HS6ST3: variants seen among roughly 807,000 people sequenced by gnomAD.
The protein encoded by HS6ST3 is heparan-sulfate 6-O-sulfotransferase 3.
HS6ST3 carries 12 observed loss-of-function variants against 36.7 expected under a neutral mutation model. The observed-to-expected ratio is 0.33, with a 90% CI of 0.21 to 0.53. The LOEUF is 0.53. HS6ST3 is among the 20% of genes least tolerant of loss of function. The pLI is 0.95. For synonymous variants in HS6ST3, 240 were observed against 257.5 expected (o/e 0.93, Z 0.65); for missense variants, 584 against 640.9 (o/e 0.91, Z 0.96).
intron 1 of HS6ST3, among the ~76,000 whole-genome samples, chr13:96,453,554 C>T (rs773414854): frequency 5.3e-5 from 8 of 152,160 alleles, no homozygotes; most frequent in Non-Finnish European, 7.3e-5. Flanking sequence ...GTGAAAATAA[C>T]CAGGCCGTGC....
intron 1 of HS6ST3, among the ~76,000 whole-genome samples, chr13:96,636,963 G>T (rs1360482629): frequency 6.6e-6 from 1 of 151,560 alleles, no homozygotes; most frequent in South Asian, 2.1e-4. Context: ...AACAGAAAAA[G>T]AAGTTTTAGA....
At chr13:96,746,898 T>A (rs1324697177) in intron 1 of HS6ST3, among the ~76,000 whole-genome samples, 1 of 152,094 alleles carries the variant, frequency 6.6e-6, no homozygotes, top group African/African-American at 2.4e-5. Context: ...AGCTGGAAGG[T>A]TCTTATGCCA....
chr13:96,530,958 C>T (rs2056132943), intron 1 of HS6ST3, among the ~76,000 whole-genome samples: 1 of 152,156 alleles, frequency 6.6e-6, no homozygotes, highest in African/African-American at 2.4e-5. Flanking sequence ...CACATGAGTA[C>T]TGTTCAGTTG....
chr13:96,438,711 C>T (rs1026347453), intron 1 of HS6ST3, among the ~76,000 whole-genome samples: 16 of 152,168 alleles, frequency 1.1e-4, no homozygotes, highest in Admixed American at 2.0e-4. Flanking sequence ...TCTTAAATGT[C>T]GTGAGAAATT....
At chr13:96,242,762 T>C (rs1419558217) in intron 1 of HS6ST3, among the ~76,000 whole-genome samples, 3 of 152,214 alleles carry the variant, frequency 2.0e-5, no homozygotes, top group African/African-American at 4.8e-5. Flanking sequence ...GAAAGCAGTA[T>C]AGTGATTCCT....
chr13:96,294,523 A>G (rs1281232338), intron 1 of HS6ST3, among the ~76,000 whole-genome samples: 1 of 152,098 alleles, frequency 6.6e-6, no homozygotes, highest in East Asian at 1.9e-4. Flanking sequence ...GCTTGGGGGA[A>G]TGCAAACCCA....
At chr13:96,776,132 T>C (rs1406932582) in intron 1 of HS6ST3, among the ~76,000 whole-genome samples, 1 of 152,100 alleles carries the variant, frequency 6.6e-6, no homozygotes, top group African/African-American at 2.4e-5. Flanking sequence ...AATAAGTTCT[T>C]TGAAACCAAC....
chr13:96,583,501 C>T (rs1377907349), intron 1 of HS6ST3, among the ~76,000 whole-genome samples: 3 of 151,836 alleles, frequency 2.0e-5, no homozygotes, highest in Admixed American at 6.6e-5. Flanking sequence ...TGTGAGCACC[C>T]GCCCAATGGC....
At chr13:96,764,769 T>G (rs1052363590) in intron 1 of HS6ST3, among the ~76,000 whole-genome samples, 3 of 152,208 alleles carry the variant, frequency 2.0e-5, no homozygotes, top group African/African-American at 7.2e-5. Context: ...TTTTCAACTC[T>G]CTGGGAAGAA....
intron 1 of HS6ST3, among the ~76,000 whole-genome samples, chr13:96,216,596 T>C (rs1237595044): frequency 6.6e-6 from 1 of 152,178 alleles, no homozygotes; most frequent in Non-Finnish European, 1.5e-5. Flanking sequence ...TGTCATCATA[T>C]ATACTTCAGA....
At chr13:96,229,386 GCACTTATCTCT>G (rs1353967660) in intron 1 of HS6ST3, among the ~76,000 whole-genome samples, 1 of 152,118 alleles carries the variant, frequency 6.6e-6, no homozygotes, top group Non-Finnish European at 1.5e-5. Context: ...TAAAAAACAG[GCACTTATCTCT>G]CACAGTTCTG....
intron 1 of HS6ST3, among the ~76,000 whole-genome samples, chr13:96,589,570 A>T (rs1012974598): frequency 9.2e-5 from 14 of 151,758 alleles, no homozygotes; most frequent in Non-Finnish European, 1.8e-4. Flanking sequence ...CTTCCTTCTT[A>T]TAACCTCTGG....
At chr13:96,185,367 C>T (rs577457241) in intron 1 of HS6ST3, among the ~76,000 whole-genome samples, 2 of 152,262 alleles carry the variant, frequency 1.3e-5, no homozygotes, top group South Asian at 2.1e-4. Flanking sequence ...TGCCTCATAG[C>T]GACCAAGTGA....
chr13:96,255,405 GTATAT>G (rs2054632068), intron 1 of HS6ST3, among the ~76,000 whole-genome samples: 2 of 152,230 alleles, frequency 1.3e-5, no homozygotes, highest in East Asian at 3.9e-4. Context: ...ATAGTATCAA[GTATAT>G]TATATAGGCC....
At chr13:96,537,434 A>C (rs906342371) in intron 1 of HS6ST3, among the ~76,000 whole-genome samples, 5 of 152,214 alleles carry the variant, frequency 3.3e-5, no homozygotes, top group African/African-American at 1.2e-4. Flanking sequence ...CTATAATGAG[A>C]GGCATAACAG....
chr13:96,478,971 A>G (rs1322687590), intron 1 of HS6ST3, among the ~76,000 whole-genome samples: 2 of 152,162 alleles, frequency 1.3e-5, no homozygotes, highest in Non-Finnish European at 2.9e-5. Flanking sequence ...ATTGGATCCA[A>G]GCATTCTTTC....
At chr13:96,107,117 G>A (rs2053845367) in intron 1 of HS6ST3, among the ~76,000 whole-genome samples, 1 of 152,190 alleles carries the variant, frequency 6.6e-6, no homozygotes, top group Admixed American at 6.5e-5. Context: ...TGGGATATAA[G>A]CAAGGATATG....
chr13:96,294,920 A>C (rs2054847473), intron 1 of HS6ST3, among the ~76,000 whole-genome samples: 1 of 152,154 alleles, frequency 6.6e-6, no homozygotes, highest in African/African-American at 2.4e-5. Flanking sequence ...AACCCTGCCT[A>C]ATCCTTAATA....
chr13:96,650,173 A>T (rs1366423076), intron 1 of HS6ST3, among the ~76,000 whole-genome samples: 1 of 151,996 alleles, frequency 6.6e-6, no homozygotes, highest in East Asian at 1.9e-4. Context: ...ATAGCATTTT[A>T]CATCTTCAAA....
Sources: allele counts gnomAD v4.1 joint callset (sites outside exome capture counted in the v4.1 genomes callset), GRCh38; gene constraint gnomAD v4.1.1; transcripts MANE v1.5; gene names NCBI Gene and HGNC (gene_info 2026-07-23, HGNC 2026-07-21).